The following PCDH9 variants were observed in gnomAD, a reference collection of about 807,000 sequenced individuals.
PCDH9 encodes the protein protocadherin 9, also known as protocadherin-9.
Under a neutral mutation model 70.6 loss-of-function variants are expected in PCDH9, and 24 were observed. The observed-to-expected ratio is 0.34, with a 90% CI of 0.25 to 0.48. The LOEUF is 0.48. Ranked by LOEUF, PCDH9 falls within the 20% of genes least tolerant of loss-of-function variation. The probability of loss-of-function intolerance (pLI) is 0.99; values close to 1 mark genes in which losing one functional copy is unlikely to be tolerated. For missense variants in PCDH9, 1,281 were observed against 1,503.6 expected, an observed-to-expected ratio of 0.85 and a Z score of 2.45; for synonymous variants, 562 against 558.5, an observed-to-expected ratio of 1.01 and a Z score of -0.09.
At chr13:66,798,927 G>A (rs1029784116) in intron 3 of PCDH9, among the ~76,000 whole-genome samples, 3 of 151,904 alleles carry the variant, frequency 2.0e-5, no homozygotes, top group Admixed American at 6.6e-5. Context: ...GAATTCTCAT[G>A]CCTCAACATC....
chr13:66,580,730 C>T (rs1474213214), intron 4 of PCDH9, among the ~76,000 whole-genome samples: 1 of 151,954 alleles, frequency 6.6e-6, no homozygotes, highest in Non-Finnish European at 1.5e-5. Context: ...GAAACGTACA[C>T]TTTAAATGAG....
chr13:66,924,803 G>C (rs1162195591), intron 2 of PCDH9, among the ~76,000 whole-genome samples: 2 of 151,746 alleles, frequency 1.3e-5, no homozygotes, highest in East Asian at 3.9e-4. Context: ...AGAATGTTTA[G>C]AATTTTGAGT....
chr13:66,798,304 T>C (rs1002443884), intron 3 of PCDH9, among the ~76,000 whole-genome samples: 2 of 152,142 alleles, frequency 1.3e-5, no homozygotes, highest in African/African-American at 2.4e-5. Context: ...TTTAAAAATA[T>C]CAACTTTTTA....
chr13:66,653,187 C>G (rs1419175624), intron 3 of PCDH9, among the ~76,000 whole-genome samples: 1 of 152,020 alleles, frequency 6.6e-6, no homozygotes, highest in Admixed American at 6.6e-5. Flanking sequence ...AAAGGAAAGT[C>G]TGTTTCCTTT....
intron 3 of PCDH9, among the ~76,000 whole-genome samples, chr13:66,777,970 A>C (rs1210360212): frequency 1.3e-5 from 2 of 152,068 alleles, no homozygotes; most frequent in Non-Finnish European, 2.9e-5. Flanking sequence ...TGATGAGTTC[A>C]TGTCCTTTGT....
At chr13:66,790,706 T>A (rs540140284) in intron 3 of PCDH9, among the ~76,000 whole-genome samples, 4 of 152,038 alleles carry the variant, frequency 2.6e-5, no homozygotes, top group Non-Finnish European at 4.4e-5. Context: ...CTGTCATATA[T>A]CAAGTATCCT....
At chr13:66,803,576 C>T (rs768086869) in intron 3 of PCDH9, among the ~76,000 whole-genome samples, 2 of 152,164 alleles carry the variant, frequency 1.3e-5, no homozygotes, top group African/African-American at 2.4e-5. Context: ...CACTGAAGCA[C>T]TCCCCTTCTT....
At chr13:66,351,550 T>C (rs1022693969) in intron 4 of PCDH9, among the ~76,000 whole-genome samples, 21 of 152,328 alleles carry the variant, frequency 1.4e-4, no homozygotes, top group African/African-American at 4.8e-4. Flanking sequence ...AATAGCCTTT[T>C]AAATCTTCAA....
intron 2 of PCDH9, among the ~76,000 whole-genome samples, chr13:67,109,906 T>G (rs1440113215): frequency 1.3e-5 from 2 of 152,230 alleles, no homozygotes; most frequent in East Asian, 3.9e-4. Flanking sequence ...CCTCTTGAAG[T>G]GCATTATACA....
chr13:66,491,172 A>T (rs1204205754), intron 4 of PCDH9, among the ~76,000 whole-genome samples: 5 of 152,134 alleles, frequency 3.3e-5, no homozygotes, highest in African/African-American at 1.2e-4. Flanking sequence ...ATGAAAGCAC[A>T]CTTGGATAGG....
chr13:66,350,743 A>C (rs762683519), intron 4 of PCDH9, among the ~76,000 whole-genome samples: 1 of 152,198 alleles, frequency 6.6e-6, no homozygotes, highest in African/African-American at 2.4e-5. Context: ...CCAAGTAGCT[A>C]TCATTTCCTG....
chr13:67,002,609 A>G (rs992288124), intron 2 of PCDH9, among the ~76,000 whole-genome samples: 6 of 151,970 alleles, frequency 3.9e-5, no homozygotes, highest in Non-Finnish European at 5.9e-5. Context: ...AGAGATCAAT[A>G]ATGATCTCTG....
At chr13:66,522,292 G>C (rs934970248) in intron 4 of PCDH9, among the ~76,000 whole-genome samples, 5 of 151,464 alleles carry the variant, frequency 3.3e-5, no homozygotes, top group Non-Finnish European at 7.4e-5. Context: ...AAGTGACAAA[G>C]ACAAAAAAAA....
intron 4 of PCDH9, among the ~76,000 whole-genome samples, chr13:66,530,218 G>T (rs577927529): frequency 1.3e-5 from 2 of 152,176 alleles, no homozygotes; most frequent in Non-Finnish European, 2.9e-5. Flanking sequence ...TCTACAGAAA[G>T]AAATTATAAA....
intron 3 of PCDH9, among the ~76,000 whole-genome samples, chr13:66,659,591 C>T (rs115440702): frequency 0.016 from 1,933 of 121,298 alleles, 41 homozygotes; most frequent in African/African-American, 0.058. Context: ...AAGAGGTTTG[C>T]TTAATCTTTC....
At position 67,037,461 on chromosome 13, in the gene PCDH9, T is replaced by TTTTG. The variant is rs532452957; in HGVS notation, c.3037-133860_3037-133857dup. Reference sequence around the variant, plus strand: ...TCCAAAAGTGTTATTTTAAAGGATTTTTTGTTTGTTTGTTTTTTGTTTGTG... The same window carrying TTTTG: ...TCCAAAAGTGTTATTTTAAAGGATTTTTTGTTTGTTTGTTTGTTTTTTGTTTGTG... On this transcript the variant is annotated intron_variant, in intron 2 of 4. Coordinates refer to ENST00000377865, the MANE Select transcript of PCDH9 (RefSeq NM_203487.3). 4.6e-5 allele frequency among the ~76,000 whole-genome samples: 7 copies of TTTTG among 152,300 alleles called. No homozygotes were observed. In the East Asian group the frequency reaches 1.4e-3, roughly 29 times the overall value.
At chr13:66,776,366 T>C (rs1022720382) in intron 3 of PCDH9, among the ~76,000 whole-genome samples, 1 of 150,144 alleles carries the variant, frequency 6.7e-6, no homozygotes, top group Non-Finnish European at 1.5e-5. Context: ...ACATGATTGT[T>C]TATCTAGAAA....
At chr13:67,119,531 C>T (rs2086838894) in intron 2 of PCDH9, among the ~76,000 whole-genome samples, 2 of 151,814 alleles carry the variant, frequency 1.3e-5, no homozygotes, top group East Asian at 3.9e-4. Context: ...AATGAACTAG[C>T]ACAGAAAAGA....
At chr13:66,976,725 A>G (rs2083627733) in intron 2 of PCDH9, among the ~76,000 whole-genome samples, 3 of 152,128 alleles carry the variant, frequency 2.0e-5, no homozygotes, top group Admixed American at 2.0e-4. Context: ...TACAAACTGT[A>G]ATTTGTCATT....
Sources: gnomAD v4.1 joint callset for allele counts (sites outside exome capture counted in the v4.1 genomes callset) on GRCh38, gnomAD v4.1.1 for gene constraint, MANE v1.5 for transcripts, NCBI Gene and HGNC (gene_info 2026-07-23, HGNC 2026-07-21) for gene names.